The following GPHN variants were observed in gnomAD, a reference collection of about 807,000 sequenced individuals.
GPHN encodes gephyrin.
Under a neutral mutation model 95.5 loss-of-function variants are expected in GPHN, and 17 were observed. That is an observed-to-expected ratio of 0.18 (90% confidence interval 0.12 to 0.27). GPHN has a LOEUF of 0.27. GPHN is among the 10% of genes least tolerant of loss of function. The probability of loss-of-function intolerance (pLI) is 1.00; values close to 1 mark genes in which losing one functional copy is unlikely to be tolerated. For synonymous variants in GPHN, 320 were observed against 322.5 expected (o/e 0.99, Z 0.08); for missense variants, 660 against 978.1 (o/e 0.67, Z 4.34).
the GPHN span, chr14:67,561,943 T>C: frequency 6.2e-7 from 1 of 1,608,806 alleles, no homozygotes; most frequent in Admixed American, 1.7e-5. Flanking sequence ...TTCATTTTTC[T>C]TTTTGCTCAG....
At chr14:66,748,539 C>G (rs1189105191) in intron 2 of GPHN, among the ~76,000 whole-genome samples, 1 of 151,898 alleles carries the variant, frequency 6.6e-6, no homozygotes, top group East Asian at 1.9e-4. Context: ...ATTACCCGAT[C>G]CATACTTTAT....
At chr14:67,402,600 T>C in the GPHN span, among the ~76,000 whole-genome samples, 2 of 152,306 alleles carry the variant, frequency 1.3e-5, no homozygotes, top group Non-Finnish European at 2.9e-5. Context: ...TCCCAGCCTC[T>C]GGTAACCATC....
intron 1 of GPHN, among the ~76,000 whole-genome samples, chr14:66,643,844 C>T (rs572860891): frequency 6.7e-6 from 1 of 148,732 alleles, no homozygotes; most frequent in African/African-American, 2.5e-5. Flanking sequence ...TATTCTTTTT[C>T]TTATGTAGAT....
the GPHN span, among the ~76,000 whole-genome samples, chr14:67,659,515 A>T: frequency 6.6e-6 from 1 of 152,136 alleles, no homozygotes; most frequent in Non-Finnish European, 1.5e-5. Flanking sequence ...GGATAAAAAG[A>T]AATCTAAATA....
intron 1 of GPHN, among the ~76,000 whole-genome samples, chr14:66,632,690 A>G (rs945052823): frequency 8.6e-5 from 13 of 151,632 alleles, no homozygotes; most frequent in Admixed American, 2.6e-4. Flanking sequence ...ACGGGGTTTC[A>G]CCTTGTTGGC....
At chr14:67,515,271 A>C in the GPHN span, 1 of 152,320 alleles carries the variant, frequency 6.6e-6, no homozygotes, top group African/African-American at 2.4e-5. Context: ...CCCCGCGCCG[A>C]GTTGCGGGCC....
chr14:67,045,302 A>G (rs1309819088), intron 10 of GPHN, among the ~76,000 whole-genome samples: 1 of 152,176 alleles, frequency 6.6e-6, no homozygotes. Flanking sequence ...TTTGAAAAAC[A>G]TCCCAGAAGT....
intron 8 of GPHN, among the ~76,000 whole-genome samples, chr14:66,928,553 TCTA>T (rs1318204012): frequency 1.3e-5 from 2 of 152,174 alleles, no homozygotes; most frequent in Non-Finnish European, 2.9e-5. Flanking sequence ...TTTCTGTTCT[TCTA>T]CTAATTTGGG....
chr14:67,678,385 T>G, the GPHN span: 3 of 1,614,002 alleles, frequency 1.9e-6, no homozygotes, highest in South Asian at 3.3e-5. Flanking sequence ...TATAGTCTCA[T>G]TACGAGCTTG....
Position 67,181,418 on chromosome 14 carries a change from A to T in GPHN, c.*481A>T, listed in dbSNP as rs1475099703. 1 of 502,768 alleles carries T rather than the reference A, an allele frequency of 2.0e-6. No individual in the cohort carries two copies. Among genetic ancestry groups the T allele is most frequent in the Non-Finnish European group, 3.8e-6 (1 of 262,212 alleles). 31.1% of individuals were successfully genotyped at this position (502,768 alleles called of 1,614,324 possible). A position where few individuals can be genotyped will look rare whatever the true frequency, so the allele number is the denominator to read the frequency against. On this transcript the variant is annotated 3_prime_UTR_variant, in exon 23 of 23. Coordinates refer to ENST00000478722, the MANE Select transcript of GPHN (RefSeq NM_020806.5). Reference sequence around the variant, plus strand: ...TCATGTATCTCGTGTTTATGTGCACAGTGCCAAAAGAAGACTGACTGGGTG... The same window carrying T: ...TCATGTATCTCGTGTTTATGTGCACTGTGCCAAAAGAAGACTGACTGGGTG...
the GPHN span, chr14:67,199,595 G>A: frequency 2.8e-5 from 44 of 1,591,986 alleles, no homozygotes; most frequent in East Asian, 4.5e-5. Context: ...TTATGCCTTC[G>A]AGAAGGACTC....
chr14:67,555,705 G>C, the GPHN span: 5 of 1,434,686 alleles, frequency 3.5e-6, 1 homozygote, highest in Non-Finnish European at 4.7e-6. Context: ...AGCCACTTGA[G>C]ATGGGCACTT....
chr14:67,542,153 C>G, the GPHN span, among the ~76,000 whole-genome samples: 1 of 152,060 alleles, frequency 6.6e-6, no homozygotes, highest in Non-Finnish European at 1.5e-5. Flanking sequence ...AAAGTCCGAG[C>G]AGTTTACTAA....
chr14:66,726,459 A>G (rs1048454173), intron 2 of GPHN, among the ~76,000 whole-genome samples: 1 of 152,222 alleles, frequency 6.6e-6, no homozygotes. Flanking sequence ...TCATTTATGA[A>G]TCCTTTTAAT....
chr14:67,318,827 G>C, the GPHN span, among the ~76,000 whole-genome samples: 15 of 152,238 alleles, frequency 9.9e-5, no homozygotes, highest in Admixed American at 7.8e-4. Flanking sequence ...GGAGGCCGAG[G>C]CAGGCGGATC....
the GPHN span, among the ~76,000 whole-genome samples, chr14:67,672,138 T>TG: frequency 1.8e-4 from 26 of 140,618 alleles, no homozygotes; most frequent in African/African-American, 3.7e-4. Context: ...TTTTTTTTTT[T>TG]GGGAGAGTCT....
At chr14:66,527,014 C>G (rs2058718037) in intron 1 of GPHN, among the ~76,000 whole-genome samples, 1 of 152,164 alleles carries the variant, frequency 6.6e-6, no homozygotes, top group Non-Finnish European at 1.5e-5. Context: ...AGGATTCCCT[C>G]TTTTTCTATT....
the GPHN span, among the ~76,000 whole-genome samples, chr14:67,637,906 G>A: frequency 1.3e-5 from 2 of 152,210 alleles, no homozygotes; most frequent in African/African-American, 4.8e-5. Flanking sequence ...TGCCAAAAGT[G>A]AGCAGGAGTA....
At chr14:66,983,481 A>G (rs761381518) in intron 9 of GPHN, among the ~76,000 whole-genome samples, 1 of 152,150 alleles carries the variant, frequency 6.6e-6, no homozygotes. Flanking sequence ...CCTGTTTCAG[A>G]AGCTGCAAAA....
Sources: gnomAD v4.1 joint callset for allele counts (sites outside exome capture counted in the v4.1 genomes callset) on GRCh38, gnomAD v4.1.1 for gene constraint, MANE v1.5 for transcripts, NCBI Gene and HGNC (gene_info 2026-07-23, HGNC 2026-07-21) for gene names.